The following ENTPD5 variants were observed in gnomAD, a reference collection of about 807,000 sequenced individuals.
ENTPD5 encodes nucleoside diphosphate phosphatase ENTPD5.
ENTPD5 carries 49 observed loss-of-function variants against 60.2 expected under a neutral mutation model. That is an observed-to-expected ratio of 0.81 (90% CI 0.65 to 1.03). ENTPD5 has a LOEUF of 1.03. ENTPD5 is among the 50% of genes least tolerant of loss of function. The pLI, the probability that ENTPD5 is intolerant of heterozygous loss-of-function variation, is 0.00. For missense variants in ENTPD5, 480 were observed against 507.6 expected, an observed-to-expected ratio of 0.95 and a Z score of 0.52; for synonymous variants, 187 against 185.4, an observed-to-expected ratio of 1.01 and a Z score of -0.07.
At chr14:73,958,144 CA>C (rs1249224027), downstream of ENTPD5, 7 of 1,613,882 alleles carry the variant, frequency 4.3e-6, no homozygotes, top group Non-Finnish European at 5.9e-6. Context: ...TTGACCTCCC[CA>C]GACCGAGTGA....
chr14:73,958,867 C>T (rs2056569799), downstream of ENTPD5: 1 of 1,555,736 alleles, frequency 6.4e-7, no homozygotes, highest in Non-Finnish European at 8.7e-7. Context: ...ATTATCCTGC[C>T]ACACAACAAT....
At chr14:73,992,217 T>C (rs1485294064) in intron 3 of ENTPD5, among the ~76,000 whole-genome samples, 2 of 152,154 alleles carry the variant, frequency 1.3e-5, no homozygotes, top group African/African-American at 4.8e-5. Flanking sequence ...CATAGTTTAC[T>C]GGTTAAGTGA....
intron 3 of ENTPD5, among the ~76,000 whole-genome samples, chr14:74,007,257 C>G (rs910335729): frequency 3.3e-5 from 5 of 152,148 alleles, no homozygotes; most frequent in Admixed American, 3.3e-4. Flanking sequence ...CGCGGTGGCT[C>G]ACGCCTGTAA....
intron 6 of ENTPD5, among the ~76,000 whole-genome samples, chr14:73,977,606 A>C (rs187679219): frequency 2.9e-3 from 446 of 152,316 alleles, no homozygotes; most frequent in Non-Finnish European, 5.2e-3. Context: ...GTAAAGCTAA[A>C]CCAAACCATC....
chr14:73,969,997 TC>T lies in ENTPD5; in HGVS notation c.1200+12del, dbSNP rs1252680658. On this transcript the variant is annotated intron_variant, in intron 15 of 15. Transcript: ENST00000334696. ...AGAGGGCTGTTATGAGACTCTGGTG[TC>T]CTGTCTCTTACCTGTAAGACTGTGC... 1 of 1,579,800 alleles carries T rather than the reference TC, an allele frequency of 6.3e-7. No individual in the cohort carries two copies. Among genetic ancestry groups the T allele is most frequent in the Non-Finnish European group, 8.7e-7 (1 of 1,148,990 alleles).
intron 14 of ENTPD5, among the ~76,000 whole-genome samples, chr14:73,971,519 A>G (rs2140483647): frequency 6.6e-6 from 1 of 152,278 alleles, no homozygotes; most frequent in East Asian, 1.9e-4. Context: ...AAGCTGAAAA[A>G]AAATTTATTT....
chr14:73,962,388 T>C (rs72627141), downstream of ENTPD5, among the ~76,000 whole-genome samples: 12,900 of 152,022 alleles, frequency 0.085, 914 homozygotes, highest in East Asian at 0.32. Flanking sequence ...TAACTATGTA[T>C]AAAAAGGGCT....
intron 12 of ENTPD5, among the ~76,000 whole-genome samples, chr14:73,973,441 A>G (rs1202249932): frequency 6.6e-6 from 1 of 152,220 alleles, no homozygotes; most frequent in Non-Finnish European, 1.5e-5. Flanking sequence ...TAAATAGCTA[A>G]CCATTAACTA....
chr14:73,966,155 AC>A lies in ENTPD5; in HGVS notation c.*772del, dbSNP rs1280968653. On this transcript the variant is annotated 3_prime_UTR_variant, in exon 16 of 16. Transcript: ENST00000334696. ...TTAACACATTAGCCTGGGAGGTGGT[AC>A]TGGCACTGAATATACACATACCCAT... The A allele has an allele frequency of 6.6e-6, 1 of 152,234 alleles. No individual in the cohort carries two copies. Among genetic ancestry groups the A allele is most frequent in the Non-Finnish European group, 1.5e-5 (1 of 68,032 alleles). 9.4% of individuals were successfully genotyped at this position (152,234 alleles called of 1,614,324 possible).
intron 4 of ENTPD5, 182 bp from the exon 5 acceptor site, chr14:73,987,075 G>A (rs760152429): frequency 5.7e-5 from 40 of 707,752 alleles, no homozygotes; most frequent in South Asian, 5.5e-4. Flanking sequence ...AACCTCTGAG[G>A]GTCCATTTCT....
intron 15 of ENTPD5, 48 bp from the exon 16 acceptor site, chr14:73,967,062 C>CA (rs750471702): frequency 6.6e-7 from 1 of 1,504,964 alleles, no homozygotes; most frequent in African/African-American, 1.4e-5. Flanking sequence ...GTTTCCAACT[C>CA]TAGCAAGCAC....
At chr14:73,977,492 T>C in intron 6 of ENTPD5, 118 bp from the exon 7 acceptor site, 1 of 739,000 alleles carries the variant, frequency 1.4e-6, no homozygotes, top group Admixed American at 3.0e-5. Flanking sequence ...AGATAAAATT[T>C]TGGCAAAACT....
chr14:73,980,502 G>C (rs1263700205), intron 6 of ENTPD5, among the ~76,000 whole-genome samples: 1 of 152,108 alleles, frequency 6.6e-6, no homozygotes, highest in Non-Finnish European at 1.5e-5. Context: ...GACCTCAGGT[G>C]ATCTGCCCGC....
downstream of ENTPD5, chr14:73,960,399 T>C: frequency 3.0e-6 from 3 of 988,162 alleles, no homozygotes; most frequent in Non-Finnish European, 3.6e-6. Context: ...GGTACCAGTA[T>C]TACTTTTGGA....
In ENTPD5 at chr14:73,983,131, C is replaced by T. The variant is rs924591717; in HGVS notation, c.328G>A (p.Val110Met). 1 of 1,614,038 alleles carries T rather than the reference C, an allele frequency of 6.2e-7. No individual in the cohort carries two copies. The highest frequency in any genetic ancestry group is 1.3e-5 in the African/African-American group (1 of 75,038). The change falls in exon 6 of 16, where the codon GTG becomes ATG. Residue 110 changes from valine to methionine, a missense_variant. Coordinates refer to ENST00000334696, the MANE Select transcript of ENTPD5 (RefSeq NM_001249.5). Reference protein sequence around the residue: ...GAETVQGLLEVAKDSIPRSHW... With the variant: ...GAETVQGLLEMAKDSIPRSHW... Reference sequence around the variant, plus strand: ...CTTCGGGGGATTGAGTCTTTGGCCACCTCTAAGAGCCCTTGAACGGTCTCA... The same window carrying T: ...CTTCGGGGGATTGAGTCTTTGGCCATCTCTAAGAGCCCTTGAACGGTCTCA...
chr14:73,988,310 G>A (rs753589189), intron 3 of ENTPD5, 138 bp from the exon 4 acceptor site: 18 of 737,908 alleles, frequency 2.4e-5, no homozygotes, highest in African/African-American at 5.3e-5. Flanking sequence ...CCAGGGTGAT[G>A]TGGGCTCTTA....
intron 6 of ENTPD5, among the ~76,000 whole-genome samples, chr14:73,979,007 C>T (rs1019441204): frequency 6.6e-6 from 1 of 152,036 alleles, no homozygotes; most frequent in African/African-American, 2.4e-5. Context: ...CTGAGGTTAC[C>T]GCCTCCTTAC....
intron 6 of ENTPD5, among the ~76,000 whole-genome samples, chr14:73,978,415 C>A (rs761213885): frequency 6.6e-6 from 1 of 151,878 alleles, no homozygotes; most frequent in Non-Finnish European, 1.5e-5. Context: ...ACCGGCCTGG[C>A]CAACATGATG....
At chr14:73,987,790 G>A in intron 4 of ENTPD5, 96 bp downstream of exon 4, 1 of 1,140,840 alleles carries the variant, frequency 8.8e-7, no homozygotes, top group Non-Finnish European at 1.3e-6. Flanking sequence ...GTGAGATTCT[G>A]TAATTCACAT....
Sources: gnomAD v4.1 joint callset for allele counts (sites outside exome capture counted in the v4.1 genomes callset) on GRCh38, gnomAD v4.1.1 for gene constraint, MANE v1.5 for transcripts, NCBI Gene and HGNC (gene_info 2026-07-23, HGNC 2026-07-21) for gene names.